FHIT: variants seen among roughly 807,000 people sequenced by gnomAD.
FHIT encodes bis(5'-adenosyl)-triphosphatase.
Under a neutral mutation model 17.9 loss-of-function variants are expected in FHIT, and 19 were observed. The observed-to-expected ratio is 1.06, with a 90% CI of 0.74 to 1.56. The LOEUF (loss-of-function observed/expected upper bound fraction) is 1.56. FHIT is among the 40% of genes most tolerant of loss of function. FHIT has a pLI of 0.00. For missense variants in FHIT, 248 were observed against 189.2 expected, an observed-to-expected ratio of 1.31 and a Z score of -1.82; for synonymous variants, 81 against 69.7, an observed-to-expected ratio of 1.16 and a Z score of -0.81.
intron 4 of FHIT, among the ~76,000 whole-genome samples, chr3:60,545,558 C>T (rs758131070): frequency 1.1e-4 from 17 of 152,138 alleles, no homozygotes; most frequent in Non-Finnish European, 2.5e-4. Context: ...CTTTTATTAT[C>T]ACTCCGCTCT....
chr3:60,651,490 T>G (rs1214001371), intron 4 of FHIT, among the ~76,000 whole-genome samples: 1 of 152,152 alleles, frequency 6.6e-6, no homozygotes, highest in Non-Finnish European at 1.5e-5. Context: ...TCTTGAGGTC[T>G]TGGCCCATTT....
chr3:59,787,514 ACAC>A lies in FHIT; in HGVS notation c.349-35196_349-35194del, dbSNP rs1354619354. ...CACACACACACACACACACACACACACACACACACACACACGTCAAAGGCTTCT... is the reference window on the plus strand; with the variant it reads ...CACACACACACACACACACACACACAACACACACACACGTCAAAGGCTTCT... On this transcript the variant is annotated intron_variant, in intron 8 of 9. Transcript: ENST00000492590. 2.5e-4 allele frequency among the ~76,000 whole-genome samples: 38 copies of A among 151,182 alleles called. No individual in the cohort carries two copies. The East Asian group carries it at 4.5e-3, about 18-fold the overall frequency.
intron 5 of FHIT, among the ~76,000 whole-genome samples, chr3:60,493,387 TA>T (rs1208138168): frequency 6.6e-6 from 1 of 152,210 alleles, no homozygotes; most frequent in Non-Finnish European, 1.5e-5. Flanking sequence ...TGAATCTGCC[TA>T]AATTTTCTCA....
chr3:60,266,799 T>C (rs1437854309), intron 5 of FHIT, among the ~76,000 whole-genome samples: 3 of 152,060 alleles, frequency 2.0e-5, no homozygotes, highest in Non-Finnish European at 4.4e-5. Context: ...AGTGCCAGAA[T>C]ACCAGAAGTG....
chr3:59,774,537 T>C (rs1702216764), intron 8 of FHIT, among the ~76,000 whole-genome samples: 1 of 152,232 alleles, frequency 6.6e-6, no homozygotes, highest in African/African-American at 2.4e-5. Flanking sequence ...AATGAGTTGA[T>C]ATATGTGAAC....
chr3:61,111,613 G>A (rs933692417), intron 2 of FHIT, among the ~76,000 whole-genome samples: 9 of 152,162 alleles, frequency 5.9e-5, no homozygotes, highest in Admixed American at 5.9e-4. Flanking sequence ...CTAAAGCAAT[G>A]CATGTTGAAA....
intron 8 of FHIT, among the ~76,000 whole-genome samples, chr3:59,815,172 T>C (rs965088504): frequency 2.2e-4 from 34 of 152,296 alleles, no homozygotes; most frequent in African/African-American, 8.2e-4. Context: ...TGAGGTCTTG[T>C]CTGTCTGTTT....
chr3:60,860,877 G>C (rs1193654566), intron 3 of FHIT, among the ~76,000 whole-genome samples: 1 of 86,320 alleles, frequency 1.2e-5, no homozygotes, highest in Admixed American at 1.3e-4. Context: ...TATATATCAT[G>C]TATATATGAA....
chr3:60,488,500 CAGTGTCACTGG>C (rs1317411663), intron 5 of FHIT, among the ~76,000 whole-genome samples: 2 of 152,152 alleles, frequency 1.3e-5, no homozygotes, highest in Non-Finnish European at 2.9e-5. Context: ...TAGAAGCTGA[CAGTGTCACTGG>C]AGCGGGGTCT....
At chr3:60,352,362 A>C (rs1203109134) in intron 5 of FHIT, among the ~76,000 whole-genome samples, 1 of 152,164 alleles carries the variant, frequency 6.6e-6, no homozygotes, top group Non-Finnish European at 1.5e-5. Flanking sequence ...ACAACTCAAC[A>C]CATGTTAAAA....
chr3:61,239,782 T>TATATATATATATATATATATATACAC (rs895030251), intron 1 of FHIT, among the ~76,000 whole-genome samples: 3 of 144,032 alleles, frequency 2.1e-5, no homozygotes, highest in Non-Finnish European at 4.5e-5. Context: ...TATATATATA[T>TATATATATATATATATATATATACAC]ATACACAAAT....
intron 5 of FHIT, among the ~76,000 whole-genome samples, chr3:60,079,647 A>T (rs1703190551): frequency 6.6e-6 from 1 of 151,992 alleles, no homozygotes; most frequent in Non-Finnish European, 1.5e-5. Context: ...TTTGAAAAAA[A>T]TATTAATCCC....
At chr3:60,750,738 G>A (rs1356551475) in intron 4 of FHIT, among the ~76,000 whole-genome samples, 1 of 152,078 alleles carries the variant, frequency 6.6e-6, no homozygotes, top group Admixed American at 6.6e-5. Flanking sequence ...ACACCTCCCA[G>A]CTCTGCTCCT....
chr3:59,777,623 C>T (rs12486972), intron 8 of FHIT, among the ~76,000 whole-genome samples: 36,363 of 152,038 alleles, frequency 0.24, 4,686 homozygotes, highest in South Asian at 0.41. Flanking sequence ...GCACTTTTAC[C>T]TCTCTTTAAT....
At chr3:60,657,871 C>G (rs180900837) in intron 4 of FHIT, among the ~76,000 whole-genome samples, 125 of 152,220 alleles carry the variant, frequency 8.2e-4, no homozygotes, top group Non-Finnish European at 1.6e-3. Context: ...TTTTCCTGAT[C>G]CAATTTTTCT....
At chr3:60,240,991 A>T (rs887015622) in intron 5 of FHIT, among the ~76,000 whole-genome samples, 4 of 152,208 alleles carry the variant, frequency 2.6e-5, no homozygotes, top group African/African-American at 7.2e-5. Flanking sequence ...TGTTAAAAAA[A>T]ACAGATTTGT....
intron 4 of FHIT, among the ~76,000 whole-genome samples, chr3:60,766,068 A>G (rs782512231): frequency 1.2e-4 from 18 of 152,142 alleles, no homozygotes; most frequent in Non-Finnish European, 2.2e-4. Context: ...CAATTTGCAG[A>G]CAGCCTATCC....
chr3:61,116,627 A>G (rs905546469), intron 2 of FHIT, among the ~76,000 whole-genome samples: 2 of 152,148 alleles, frequency 1.3e-5, no homozygotes, highest in African/African-American at 2.4e-5. Flanking sequence ...GGTAGTTACT[A>G]TGGTACATAG....
At chr3:60,669,679 C>A (rs782392949) in intron 4 of FHIT, among the ~76,000 whole-genome samples, 1 of 152,162 alleles carries the variant, frequency 6.6e-6, no homozygotes, top group Admixed American at 6.5e-5. Flanking sequence ...TGCTGGGAAT[C>A]CCCAAATAGA....
Sources: allele counts gnomAD v4.1 joint callset (sites outside exome capture counted in the v4.1 genomes callset), GRCh38; gene constraint gnomAD v4.1.1; transcripts MANE v1.5; gene names NCBI Gene and HGNC (gene_info 2026-07-23, HGNC 2026-07-21).